Variants in NUFIP1 observed in about 807,000 individuals in gnomAD.
NUFIP1 encodes FMR1-interacting protein NUFIP1.
NUFIP1 carries 38 observed loss-of-function variants against 56.2 expected under a neutral mutation model. The ratio of observed to expected loss-of-function variants is 0.68; its 90% CI spans 0.52 to 0.89. The LOEUF (loss-of-function observed/expected upper bound fraction) is 0.89. NUFIP1 is among the 40% of genes least tolerant of loss of function. NUFIP1 has a pLI of 0.00. For synonymous variants in NUFIP1, 215 were observed against 212.4 expected, an observed-to-expected ratio of 1.01 and a Z score of -0.10; for missense variants, 567 against 605.8, an observed-to-expected ratio of 0.94 and a Z score of 0.67.
At chr13:44,955,464 G>C (rs140798166) in intron 7 of NUFIP1, among the ~76,000 whole-genome samples, 1 of 152,254 alleles carries the variant, frequency 6.6e-6, no homozygotes, top group African/African-American at 2.4e-5. Context: ...TAAAATGTGA[G>C]TGCTGATGTC....
rs1872168703 is a variant in NUFIP1, at chr13:44,980,960, T to A, written c.496-140A>T. 8.9e-6 allele frequency: 5 copies of A among 561,132 alleles called. No homozygotes were observed. The East Asian group carries it at 1.6e-4, about 18-fold the overall frequency. 34.8% of individuals were successfully genotyped at this position (561,132 alleles called of 1,614,324 possible). A position where few individuals can be genotyped will look rare whatever the true frequency, so the allele number is the denominator to read the frequency against. On this transcript the variant is annotated intron_variant, in intron 2 of 9. Coordinates refer to ENST00000379161, the MANE Select transcript of NUFIP1 (RefSeq NM_012345.3). ...TGTGGGAGAAGCTTGTGAGTATATT[T>A]CCAATGAAGAGATTATTCTATTTCT... is the stretch of plus-strand genomic sequence containing the variant.
intron 6 of NUFIP1, among the ~76,000 whole-genome samples, chr13:44,960,147 G>A (rs568482556): frequency 6.6e-6 from 1 of 152,152 alleles, no homozygotes; most frequent in South Asian, 2.1e-4. Context: ...GGCCAGGATG[G>A]TCTCGATCTT....
chr13:44,986,516 C>G (rs1169213966), intron 1 of NUFIP1, among the ~76,000 whole-genome samples: 1 of 151,792 alleles, frequency 6.6e-6, no homozygotes, highest in African/African-American at 2.4e-5. Context: ...ATGGTGAAAC[C>G]CCATCTCTAC....
chr13:44,968,406 GA>G (rs11306471), intron 5 of NUFIP1, among the ~76,000 whole-genome samples: 86,266 of 120,988 alleles, frequency 0.71, 29,776 homozygotes, highest in Middle Eastern at 0.81. Flanking sequence ...ACACTGAGAA[GA>G]AAAAAAAAAA....
At position 44,959,563 on chromosome 13, in the gene NUFIP1, C is replaced by T. The variant is rs142430693; in HGVS notation, c.839G>A (p.Gly280Glu). 1 of 1,606,002 alleles carries T rather than the reference C, an allele frequency of 6.2e-7. No individual in the cohort carries two copies. The highest frequency in any genetic ancestry group is 1.3e-5 in the African/African-American group (1 of 74,446). The change falls in exon 7 of 10, where the codon GGG becomes GAG. Residue 280 changes from glycine to glutamate, a missense_variant. By Grantham distance (98) the Gly-to-Glu change is moderately conservative. Transcript: ENST00000379161. ...LTTTQYGKMK[G>E]MSRHSQMAKI... The stretch of plus-strand genomic sequence containing the variant: ...TGCCATTTGTGAATGTCTGGACATC[C>T]CCTTCATCTTGCTGGAGTAAGAAAA...
intron 7 of NUFIP1, 110 bp downstream of exon 7, chr13:44,959,271 G>T: frequency 2.1e-6 from 2 of 965,572 alleles, no homozygotes; most frequent in Non-Finnish European, 3.1e-6. Context: ...GCATCATTCT[G>T]CATTGTTATA....
At chr13:44,951,986 T>C (rs1457193960) in intron 7 of NUFIP1, among the ~76,000 whole-genome samples, 1 of 152,202 alleles carries the variant, frequency 6.6e-6, no homozygotes, top group Admixed American at 6.5e-5. Context: ...CCTTGACTGC[T>C]ATTCCCTTAG....
intron 1 of NUFIP1, among the ~76,000 whole-genome samples, chr13:44,984,858 G>A (rs373923560): frequency 1.6e-4 from 24 of 151,702 alleles, no homozygotes; most frequent in African/African-American, 5.6e-4. Flanking sequence ...ATACCTCCCC[G>A]TTCCCCCCAC....
At chr13:44,987,116 C>T (rs1872425446) in intron 1 of NUFIP1, among the ~76,000 whole-genome samples, 1 of 152,164 alleles carries the variant, frequency 6.6e-6, no homozygotes, top group African/African-American at 2.4e-5. Flanking sequence ...GTGGCTCACG[C>T]TTGTAATCTC....
intron 6 of NUFIP1, among the ~76,000 whole-genome samples, chr13:44,961,597 T>C (rs1039652254): frequency 2.0e-5 from 3 of 152,188 alleles, no homozygotes; most frequent in Admixed American, 6.5e-5. Flanking sequence ...AAAATTAATA[T>C]ATATGTATAG....
At chr13:44,964,961 A>G (rs1002048148) in intron 6 of NUFIP1, among the ~76,000 whole-genome samples, 13 of 152,246 alleles carry the variant, frequency 8.5e-5, no homozygotes, top group Admixed American at 7.9e-4. Context: ...CTTCCCAGAA[A>G]AAAGTTCAAG....
intron 1 of NUFIP1, 61 bp downstream of exon 1, chr13:44,988,964 G>A (rs1349524036): frequency 1.6e-5 from 24 of 1,537,554 alleles, no homozygotes; most frequent in African/African-American, 2.7e-5. Flanking sequence ...GCAGAGAAAG[G>A]GGAGAGGAAA....
At chr13:44,972,464 C>CA (rs368298417) in intron 5 of NUFIP1, among the ~76,000 whole-genome samples, 10 of 152,222 alleles carry the variant, frequency 6.6e-5, no homozygotes, top group African/African-American at 1.9e-4. Context: ...AATATAAGAA[C>CA]AAAAAATAAA....
At chr13:44,988,959 G>T in intron 1 of NUFIP1, 66 bp downstream of exon 1, 1 of 1,521,724 alleles carries the variant, frequency 6.6e-7, no homozygotes, top group Non-Finnish European at 9.0e-7. Context: ...AGGAAGCAGA[G>T]AAAGGGGAGA....
chr13:44,967,286 C>T (rs1350438776), intron 5 of NUFIP1, among the ~76,000 whole-genome samples: 1 of 151,624 alleles, frequency 6.6e-6, no homozygotes, highest in Non-Finnish European at 1.5e-5. Flanking sequence ...AATCCCAGCA[C>T]TTTGGGAGGT....
At chr13:44,958,411 T>G (rs913696251) in intron 7 of NUFIP1, among the ~76,000 whole-genome samples, 6 of 152,188 alleles carry the variant, frequency 3.9e-5, no homozygotes, top group African/African-American at 1.2e-4. Flanking sequence ...AGTAAGTGCC[T>G]TATTCAGTGT....
Position 44,939,546 on chromosome 13 carries a change from A to T in NUFIP1, c.*1660T>A, listed in dbSNP as rs1870661290. 6.6e-6 allele frequency: 1 copy of T among 151,986 alleles called. No individual in the cohort carries two copies. The highest frequency in any genetic ancestry group is 2.4e-5 in the African/African-American group (1 of 41,440). 9.4% of individuals were successfully genotyped at this position (151,986 alleles called of 1,614,324 possible). A position where few individuals can be genotyped will look rare whatever the true frequency, so the allele number is the denominator to read the frequency against. On this transcript the variant is annotated 3_prime_UTR_variant, in exon 10 of 10. Transcript: ENST00000379161. The stretch of plus-strand genomic sequence containing the variant: ...CCCTCTACCCACCCAAAACTCATAG[A>T]ATATTTACAAATATTGACCATATAA...
rs1279853904 is a variant in NUFIP1, at chr13:44,965,829, G to A, written c.827+15C>T. Reference sequence around the variant, plus strand: ...TTGTGCTCCTTTTCATTATTCATAAGCATAAGGAGCTTACCCATATTGTGT... The same window carrying A: ...TTGTGCTCCTTTTCATTATTCATAAACATAAGGAGCTTACCCATATTGTGT... On this transcript the variant is annotated intron_variant, in intron 6 of 9. Transcript: ENST00000379161. 1 of 1,474,918 alleles carries A rather than the reference G, an allele frequency of 6.8e-7. No individual in the cohort carries two copies. Among genetic ancestry groups the A allele is most frequent in the South Asian group, 1.3e-5 (1 of 78,782 alleles). 91.4% of individuals were successfully genotyped at this position (1,474,918 alleles called of 1,614,324 possible).
At chr13:44,963,457 T>A (rs1179910199) in intron 6 of NUFIP1, among the ~76,000 whole-genome samples, 1 of 152,180 alleles carries the variant, frequency 6.6e-6, no homozygotes, top group East Asian at 1.9e-4. Context: ...GCTTCTAATC[T>A]TAGGGGAGGT....
Sources: gnomAD v4.1 joint callset for allele counts (sites outside exome capture counted in the v4.1 genomes callset) on GRCh38, gnomAD v4.1.1 for gene constraint, MANE v1.5 for transcripts, NCBI Gene and HGNC (gene_info 2026-07-23, HGNC 2026-07-21) for gene names.